MLKL: variants seen among roughly 807,000 people sequenced by gnomAD.
MLKL encodes the protein mixed lineage kinase domain-like protein.
A neutral mutation model predicts 56.5 loss-of-function variants in MLKL; 55 were observed. That is an observed-to-expected ratio of 0.97 (90% CI 0.78 to 1.22). MLKL has a LOEUF of 1.22. MLKL is among the 50% of genes most tolerant of loss of function. MLKL has a pLI of 0.00. For synonymous variants in MLKL, 251 were observed against 208.3 expected (o/e 1.20, Z -1.76); for missense variants, 694 against 573.9 (o/e 1.21, Z -2.14).
At chr16:74,694,757 C>A (rs1441836838) in intron 2 of MLKL, among the ~76,000 whole-genome samples, 1 of 152,094 alleles carries the variant, frequency 6.6e-6, no homozygotes, top group Non-Finnish European at 1.5e-5. Flanking sequence ...GACCCTGTCT[C>A]AAAAAATGAA....
intron 4 of MLKL, among the ~76,000 whole-genome samples, chr16:74,687,260 C>T (rs1317573041): frequency 1.3e-5 from 2 of 152,008 alleles, no homozygotes; most frequent in Non-Finnish European, 2.9e-5. Context: ...ATAGGCATAA[C>T]TCACTGCACC....
rs1458358427 is a variant in MLKL, at chr16:74,692,325, G to A, written c.535+17C>T. 6.2e-7 allele frequency: 1 copy of A among 1,609,380 alleles called. No individual in the cohort carries two copies. On this transcript the variant is annotated intron_variant, in intron 3 of 10. Coordinates refer to ENST00000308807, the MANE Select transcript of MLKL (RefSeq NM_152649.4). ...GTTTGGGGGCCATCAGAAACAGCAG[G>A]GCACATGATAACTTACACTGCCTCA...
intron 4 of MLKL, among the ~76,000 whole-genome samples, chr16:74,690,769 G>A (rs1209124828): frequency 6.1e-5 from 7 of 115,300 alleles, no homozygotes; most frequent in African/African-American, 2.3e-4. Context: ...ACAACAGAGT[G>A]AGACCTTGTC....
intron 2 of MLKL, 101 bp downstream of exon 2, chr16:74,695,197 A>T: frequency 7.9e-7 from 1 of 1,273,884 alleles, no homozygotes; most frequent in Non-Finnish European, 1.1e-6. Context: ...CAAGTATATT[A>T]CAACTGCTCA....
intron 1 of MLKL, among the ~76,000 whole-genome samples, chr16:74,696,629 T>A (rs866743053): frequency 3.4e-5 from 5 of 146,718 alleles, no homozygotes; most frequent in South Asian, 2.1e-4. Context: ...TCTACAAAAA[T>A]AAAAAAAATA....
At chr16:74,692,620 T>C (rs539506050) in intron 2 of MLKL, among the ~76,000 whole-genome samples, 1 of 152,354 alleles carries the variant, frequency 6.6e-6, no homozygotes, top group African/African-American at 2.4e-5. Context: ...GGTAACTTGC[T>C]TTGGCTAAGA....
intron 4 of MLKL, among the ~76,000 whole-genome samples, chr16:74,686,569 C>T (rs9928238): frequency 0.42 from 64,111 of 152,028 alleles, 13,779 homozygotes; most frequent in Admixed American, 0.45. Context: ...GGTGACAGAA[C>T]GAGACTACGT....
chr16:74,697,333 G>A (rs1961105078), intron 1 of MLKL, among the ~76,000 whole-genome samples: 1 of 152,054 alleles, frequency 6.6e-6, no homozygotes, highest in Non-Finnish European at 1.5e-5. Context: ...GACATGAAGT[G>A]TACCCCATCC....
chr16:74,683,815 G>A (rs1960148249), intron 5 of MLKL, among the ~76,000 whole-genome samples: 1 of 152,130 alleles, frequency 6.6e-6, no homozygotes, highest in Admixed American at 6.5e-5. Flanking sequence ...CATGGCAGGG[G>A]CGGGTGAGGA....
chr16:74,681,510 AC>A (rs1346761942), intron 6 of MLKL, among the ~76,000 whole-genome samples: 1 of 151,392 alleles, frequency 6.6e-6, no homozygotes, highest in Non-Finnish European at 1.5e-5. Flanking sequence ...AACACAAGAC[AC>A]GGCCGGGCGC....
chr16:74,688,548 C>A (rs965105013), intron 4 of MLKL, among the ~76,000 whole-genome samples: 1 of 151,790 alleles, frequency 6.6e-6, no homozygotes, highest in African/African-American at 2.4e-5. Flanking sequence ...ACCCTGTCAC[C>A]ACTAAAAATA....
At chr16:74,678,864 G>C (rs775659368) in intron 7 of MLKL, 35 bp downstream of exon 7, 1 of 1,549,490 alleles carries the variant, frequency 6.5e-7, no homozygotes, top group Non-Finnish European at 8.9e-7. Context: ...AGTCATGCAG[G>C]TTTGACCCAA....
At chr16:74,681,553 G>A (rs1300436810) in intron 6 of MLKL, among the ~76,000 whole-genome samples, 11 of 151,878 alleles carry the variant, frequency 7.2e-5, no homozygotes, top group Admixed American at 7.2e-4. Context: ...CAGCACTTTG[G>A]GAGGCCGAGA....
At chr16:74,676,009 G>C (rs550172876) in intron 7 of MLKL, 80 of 489,362 alleles carry the variant, frequency 1.6e-4, no homozygotes, top group African/African-American at 1.2e-3. Context: ...ATGACAGGGG[G>C]GATTACTTGA....
intron 1 of MLKL, 92 bp from the exon 2 acceptor site, chr16:74,695,851 A>C: frequency 1.7e-6 from 2 of 1,168,464 alleles, no homozygotes; most frequent in Non-Finnish European, 2.4e-6. Context: ...CTGTGACTTA[A>C]ATGCCTGAGG....
Position 74,693,070 on chromosome 16 carries a change from T to C in MLKL, c.461-654A>G, listed in dbSNP as rs570420057. Among the ~76,000 whole-genome samples the C allele has an allele frequency of 9.8e-5, 15 of 152,332 alleles. No individual in the cohort carries two copies. The South Asian group carries it at 2.9e-3, about 29-fold the overall frequency. The stretch of plus-strand genomic sequence containing the variant: ...ATGCATAGTTGGTAGAAGTAATATC[T>C]GTGCAACTTCTATCAAAATTTGAAA... On this transcript the variant is annotated intron_variant, in intron 2 of 10. Coordinates refer to ENST00000308807, the MANE Select transcript of MLKL (RefSeq NM_152649.4).
intron 4 of MLKL, among the ~76,000 whole-genome samples, chr16:74,687,076 A>G (rs182056063): frequency 6.6e-6 from 1 of 152,214 alleles, no homozygotes; most frequent in Non-Finnish European, 1.5e-5. Context: ...CCTGGGTTCA[A>G]GCAATTCTCC....
rs538254592 is a variant in MLKL at position 74,685,522 on chromosome 16, T to A, written c.784A>T (p.Ile262Phe). Residue 262 changes from isoleucine (I) to phenylalanine (F), a missense_variant, in exon 5 of 11, where the codon ATC becomes TTC. Physicochemically the swap from Ile to Phe is conservative, Grantham distance 21. Transcript: ENST00000308807. Reference sequence around the variant, plus strand: ...ATGCAAATCCCAAATATACGCAGGATGTTGGGAGATTCGAATTTCTTCATG... The same window carrying A: ...ATGCAAATCCCAAATATACGCAGGAAGTTGGGAGATTCGAATTTCTTCATG... ...KTMKKFESPN[I>F]LRIFGICIDE... 9.3e-6 allele frequency: 15 copies of A among 1,613,930 alleles called. No homozygotes were observed. The East Asian group carries it at 3.3e-4, about 36-fold the overall frequency.
chr16:74,685,131 T>C (rs1470595121), intron 5 of MLKL, among the ~76,000 whole-genome samples: 1 of 152,192 alleles, frequency 6.6e-6, no homozygotes, highest in Non-Finnish European at 1.5e-5. Context: ...ACCAAAGTGC[T>C]GGGATTACAG....
Sources: gnomAD v4.1 joint callset for allele counts (sites outside exome capture counted in the v4.1 genomes callset) on GRCh38, gnomAD v4.1.1 for gene constraint, MANE v1.5 for transcripts, NCBI Gene and HGNC (gene_info 2026-07-23, HGNC 2026-07-21) for gene names.